Variants in GLI2 observed in about 807,000 individuals in gnomAD.
GLI2 encodes the protein transcription activator GLI2.
GLI2 carries 22 observed loss-of-function variants against 78.9 expected under a neutral mutation model. That is an observed-to-expected ratio of 0.28 (90% CI 0.20 to 0.40). The LOEUF is 0.40. Among genes scored for constraint, GLI2 ranks in the 10% least tolerant of loss-of-function variants. The pLI is 1.00. For missense variants in GLI2, 2,097 were observed against 2,213.2 expected, an observed-to-expected ratio of 0.95 and a Z score of 1.05; for synonymous variants, 974 against 963.7, an observed-to-expected ratio of 1.01 and a Z score of -0.20.
chr2:120,880,767 A>G (rs1677072675), intron 2 of GLI2, among the ~76,000 whole-genome samples: 1 of 152,228 alleles, frequency 6.6e-6, no homozygotes, highest in Non-Finnish European at 1.5e-5. Context: ...CTCTAGCAGA[A>G]TTGTGATTTG....
rs533202002 is a variant in GLI2 at position 120,927,050 on chromosome 2, C to T, written c.149-311C>T. On this transcript the variant is annotated intron_variant, in intron 2 of 13. Transcript: ENST00000361492. ...GAGTTGGAGCCTGTCGCTCTGTCAG[C>T]CCTGATTTGCGGGCTGAGCCCAGTT... Among the ~76,000 whole-genome samples the T allele has an allele frequency of 2.0e-5, 3 of 152,350 alleles. No homozygotes were observed. The South Asian group carries it at 6.2e-4, about 32-fold the overall frequency.
chr2:120,810,469 C>T (rs1685183689), intron 2 of GLI2, among the ~76,000 whole-genome samples: 1 of 152,206 alleles, frequency 6.6e-6, no homozygotes, highest in Non-Finnish European at 1.5e-5. Context: ...CCTTCCATTG[C>T]TGTCCCTCCT....
At chr2:120,904,670 A>G (rs1249023326) in intron 2 of GLI2, among the ~76,000 whole-genome samples, 1 of 152,160 alleles carries the variant, frequency 6.6e-6, no homozygotes, top group Non-Finnish European at 1.5e-5. Context: ...GATGGAATCC[A>G]CTGGGGAGCT....
intron 2 of GLI2, among the ~76,000 whole-genome samples, chr2:120,805,071 C>T (rs78874491): frequency 1.3e-5 from 2 of 152,340 alleles, no homozygotes; most frequent in East Asian, 1.9e-4. Flanking sequence ...CATGTGGGCA[C>T]GGAGGAAGTA....
At chr2:120,806,887 C>CT (rs1684980558) in intron 2 of GLI2, among the ~76,000 whole-genome samples, 1 of 152,206 alleles carries the variant, frequency 6.6e-6, no homozygotes. Context: ...GGCCATGGCC[C>CT]TGTCCCCAAA....
intron 2 of GLI2, among the ~76,000 whole-genome samples, chr2:120,882,841 A>G (rs1273331826): frequency 6.6e-6 from 1 of 152,014 alleles, no homozygotes; most frequent in Non-Finnish European, 1.5e-5. Context: ...TGAAGGTGTA[A>G]ATTACATATA....
intron 2 of GLI2, among the ~76,000 whole-genome samples, chr2:120,898,118 C>T (rs1046025335): frequency 3.3e-5 from 5 of 151,344 alleles, no homozygotes; most frequent in African/African-American, 4.9e-5. Context: ...TCCATCCACC[C>T]CCTACTCCCT....
chr2:120,928,601 C>T lies in GLI2; in HGVS notation c.254+1135C>T, dbSNP rs982908696. ...CCACCTATGAAGGCACATCCTCCTT[C>T]CTCTACCATCTCCCATCCCAGTGAA... On this transcript the variant is annotated intron_variant, in intron 3 of 13. Transcript: ENST00000361492. Among the ~76,000 whole-genome samples, 7 of 152,350 alleles carry T rather than the reference C, an allele frequency of 4.6e-5. No individual in the cohort carries two copies. In the East Asian group the frequency reaches 9.7e-4, roughly 21 times the overall value.
intron 2 of GLI2, among the ~76,000 whole-genome samples, chr2:120,899,999 G>A (rs939060807): frequency 6.6e-6 from 1 of 152,184 alleles, no homozygotes; most frequent in Admixed American, 6.5e-5. Flanking sequence ...CGGAGGATTT[G>A]CGTCTCTAGC....
At position 120,988,272 on chromosome 2, in the gene GLI2, G is replaced by A. The variant is rs756624713; in HGVS notation, c.2307G>A (p.Pro769=). The change falls in exon 14 of 14, where the codon CCG becomes CCA. Residue 769 remains proline (P), a synonymous_variant. Coordinates refer to ENST00000361492, the MANE Select transcript of GLI2 (RefSeq NM_001374353.1). ...GGCCCGCGGGGCTGCTGCCGAACCC[G>A]CGGCTGTCGGAGCTGTCCGCGAGCG... ...GGGPAGLLPN[P]RLSELSASEV... is the part of the protein sequence containing the mutation. 1.9e-6 allele frequency: 3 copies of A among 1,568,670 alleles called. No homozygotes were observed. The highest frequency in any genetic ancestry group is 4.7e-5 in the East Asian group (2 of 42,216).
chr2:120,990,480 G>T lies in GLI2; in HGVS notation c.4515G>T (p.Ser1505=). 2 of 1,613,858 alleles carry T rather than the reference G, an allele frequency of 1.2e-6. No individual in the cohort carries two copies. Among genetic ancestry groups the T allele is most frequent in the Non-Finnish European group, 1.7e-6 (2 of 1,179,942 alleles). ...FDAIMDDGDH[S]SLFSGALSPS... ...CCATCATGGATGATGGCGATCACTCGAGTTTGTTCTCGGGTGCTCTGAGCC... is the reference window on the plus strand; with the variant it reads ...CCATCATGGATGATGGCGATCACTCTAGTTTGTTCTCGGGTGCTCTGAGCC... Residue 1505 remains serine (S), a synonymous_variant, in exon 14 of 14, where the codon TCG becomes TCT. Coordinates refer to ENST00000361492, the MANE Select transcript of GLI2 (RefSeq NM_001374353.1).
chr2:120,987,736 T>G (rs1683045660), intron 13 of GLI2, among the ~76,000 whole-genome samples: 1 of 152,106 alleles, frequency 6.6e-6, no homozygotes, highest in African/African-American at 2.4e-5. Flanking sequence ...TCCCCTCCTC[T>G]GCGTAACTCA....
At chr2:120,774,347 T>C (rs1266823546) in intron 1 of GLI2, among the ~76,000 whole-genome samples, 2 of 152,214 alleles carry the variant, frequency 1.3e-5, no homozygotes, top group Non-Finnish European at 2.9e-5. Context: ...AAGTGTACAA[T>C]TCACTGCTTT....
At chr2:120,961,283 A>G (rs1465867172) in intron 5 of GLI2, among the ~76,000 whole-genome samples, 2 of 152,092 alleles carry the variant, frequency 1.3e-5, no homozygotes, top group African/African-American at 4.8e-5. Context: ...TTCAGAAACC[A>G]ATTACATTGA....
At chr2:120,821,343 G>A (rs938982756) in intron 2 of GLI2, among the ~76,000 whole-genome samples, 1 of 152,192 alleles carries the variant, frequency 6.6e-6, no homozygotes, top group Non-Finnish European at 1.5e-5. Context: ...CCAAATTAGG[G>A]ATGGGCCCAT....
At chr2:120,845,735 T>G (rs1251686751) in intron 2 of GLI2, among the ~76,000 whole-genome samples, 4 of 152,218 alleles carry the variant, frequency 2.6e-5, no homozygotes. Flanking sequence ...GGTACCCGCA[T>G]GGATACCTCT....
intron 2 of GLI2, among the ~76,000 whole-genome samples, chr2:120,874,426 A>G (rs1688624587): frequency 1.3e-5 from 2 of 152,258 alleles, no homozygotes; most frequent in African/African-American, 4.8e-5. Flanking sequence ...GTCACAAAAC[A>G]CTGCAGCTCA....
chr2:120,920,380 G>A (rs1679310021), intron 2 of GLI2, among the ~76,000 whole-genome samples: 2 of 152,322 alleles, frequency 1.3e-5, no homozygotes, highest in Non-Finnish European at 2.9e-5. Flanking sequence ...CAGTTTTCCC[G>A]ATTCTTTGTC....
At chr2:120,907,914 G>A (rs551479547) in intron 2 of GLI2, among the ~76,000 whole-genome samples, 1 of 152,228 alleles carries the variant, frequency 6.6e-6, no homozygotes, top group Non-Finnish European at 1.5e-5. Context: ...GCATGGGAAA[G>A]CAATCTTACT....
Sources: gnomAD v4.1 joint callset for allele counts (sites outside exome capture counted in the v4.1 genomes callset) on GRCh38, gnomAD v4.1.1 for gene constraint, MANE v1.5 for transcripts, NCBI Gene and HGNC (gene_info 2026-07-23, HGNC 2026-07-21) for gene names.